The following VWA8 variants were observed in gnomAD, a reference collection of about 807,000 sequenced individuals.
VWA8 encodes the protein von Willebrand factor A domain-containing protein 8.
Under a neutral mutation model 241.5 loss-of-function variants are expected in VWA8, and 221 were observed. That is an observed-to-expected ratio of 0.91 (90% CI 0.82 to 1.02). The LOEUF (loss-of-function observed/expected upper bound fraction) is 1.02. Ranked by LOEUF, VWA8 falls within the 50% of genes least tolerant of loss-of-function variation. The pLI is 0.00. For missense variants in VWA8, 2,322 were observed against 2,328.7 expected, an observed-to-expected ratio of 1.00 and a Z score of 0.06; for synonymous variants, 852 against 827.1, an observed-to-expected ratio of 1.03 and a Z score of -0.52.
chr13:41,707,718 T>C lies in VWA8; in HGVS notation c.3117-4307A>G, dbSNP rs778090696. On this transcript the variant is annotated intron_variant, in intron 26 of 44. Coordinates refer to ENST00000379310, the MANE Select transcript of VWA8 (RefSeq NM_015058.2). ...TTTCAGTCTCAGCCACCTCAAACTATTAGTTGCTATTCCTGAATATGCTAT... is the reference window on the plus strand; with the variant it reads ...TTTCAGTCTCAGCCACCTCAAACTACTAGTTGCTATTCCTGAATATGCTAT... Among the ~76,000 whole-genome samples the C allele has an allele frequency of 5.7e-4, 87 of 152,298 alleles. 1 individual carries two copies. The highest frequency in any genetic ancestry group is 9.2e-4 in the Admixed American group (14 of 15,300).
At chr13:41,626,104 G>C (rs1291929462) in intron 37 of VWA8, among the ~76,000 whole-genome samples, 5 of 105,664 alleles carry the variant, frequency 4.7e-5, no homozygotes, top group Non-Finnish European at 9.1e-5. Context: ...AGGGGGGAGG[G>C]ATAGCATTAG....
chr13:41,582,844 A>G (rs1460685763), intron 42 of VWA8, among the ~76,000 whole-genome samples: 2 of 152,110 alleles, frequency 1.3e-5, no homozygotes, highest in Non-Finnish European at 2.9e-5. Context: ...TGGAGAGAGG[A>G]GCTGGGAGCT....
At chr13:41,583,662 AC>A (rs367778614) in intron 42 of VWA8, among the ~76,000 whole-genome samples, 2,211 of 149,398 alleles carry the variant, frequency 0.015, 28 homozygotes, top group African/African-American at 0.035. Context: ...AAAAAAAAAA[AC>A]AAACAAAAAA....
intron 25 of VWA8, 21 bp from the exon 26 acceptor site, chr13:41,719,763 CTTA>C (rs938164463): frequency 1.9e-6 from 3 of 1,597,818 alleles, no homozygotes; most frequent in African/African-American, 2.7e-5. Context: ...AAAAAATTCC[CTTA>C]TTATGCATGT....
intron 9 of VWA8, among the ~76,000 whole-genome samples, chr13:41,877,912 T>A (rs752498504): frequency 2.0e-4 from 31 of 152,148 alleles, no homozygotes; most frequent in Non-Finnish European, 4.1e-4. Context: ...GAACATCACA[T>A]GATGAGCACC....
intron 42 of VWA8, among the ~76,000 whole-genome samples, chr13:41,583,217 A>C (rs944698550): frequency 6.6e-6 from 1 of 152,174 alleles, no homozygotes; most frequent in African/African-American, 2.4e-5. Context: ...TCTCAGACAC[A>C]TTGCCAGGGG....
intron 2 of VWA8, among the ~76,000 whole-genome samples, chr13:41,947,820 A>T (rs927142368): frequency 6.6e-6 from 1 of 151,264 alleles, no homozygotes; most frequent in Non-Finnish European, 1.5e-5. Context: ...CTATAGTCCC[A>T]GCTGCTGGAG....
chr13:41,784,815 C>T (rs887246416), intron 18 of VWA8, among the ~76,000 whole-genome samples: 8 of 144,608 alleles, frequency 5.5e-5, no homozygotes, highest in African/African-American at 1.5e-4. Flanking sequence ...TTACTATTTT[C>T]GAGGTTGGTC....
chr13:41,828,725 A>G (rs1252020914), intron 14 of VWA8, among the ~76,000 whole-genome samples: 1 of 152,168 alleles, frequency 6.6e-6, no homozygotes, highest in Admixed American at 6.5e-5. Flanking sequence ...TTATCCCTTA[A>G]GTATCTCAAC....
intron 12 of VWA8, chr13:41,865,231 T>C: frequency 3.3e-6 from 1 of 306,262 alleles, no homozygotes; most frequent in Non-Finnish European, 6.4e-6. Flanking sequence ...CATGTGATAT[T>C]TTGATACATT....
chr13:41,719,874 G>C (rs1460767621), intron 25 of VWA8, 132 bp from the exon 26 acceptor site: 2 of 824,548 alleles, frequency 2.4e-6, no homozygotes, highest in Non-Finnish European at 3.6e-6. Context: ...CAAATAAGCA[G>C]GTAGTAGGAA....
chr13:41,939,016 G>A (rs1877476460), intron 2 of VWA8, among the ~76,000 whole-genome samples: 1 of 152,106 alleles, frequency 6.6e-6, no homozygotes, highest in African/African-American at 2.4e-5. Flanking sequence ...TGGATTTTAT[G>A]TCAAAACTCA....
At chr13:41,875,872 C>A (rs1873874005) in intron 9 of VWA8, among the ~76,000 whole-genome samples, 2 of 152,022 alleles carry the variant, frequency 1.3e-5, no homozygotes, top group Admixed American at 1.3e-4. Flanking sequence ...GCAACTGCCT[C>A]TTTGACATTT....
At chr13:41,797,546 T>C (rs1477858711) in intron 17 of VWA8, among the ~76,000 whole-genome samples, 3 of 152,208 alleles carry the variant, frequency 2.0e-5, no homozygotes, top group African/African-American at 7.2e-5. Flanking sequence ...TTTTGAAAAC[T>C]CTCATTATAA....
chr13:41,871,719 G>A (rs113957648), intron 9 of VWA8, among the ~76,000 whole-genome samples: 110 of 152,148 alleles, frequency 7.2e-4, no homozygotes, highest in Middle Eastern at 3.4e-3. Flanking sequence ...TGGACATTTG[G>A]GTTGGTTCCA....
In VWA8 at chr13:41,575,839, C is replaced by CTA. The variant is rs865896975; in HGVS notation, c.5272-3_5272-2dup. ...CTCCAGAGTGTCCAACGATGTCATA[C>CTA]TACATGCAAGAGAACCAGAAAGTTA... On this transcript the variant is annotated splice_acceptor_variant, in intron 42 of 44. Transcript: ENST00000379310. LOFTEE classifies it high-confidence loss of function. 3.1e-6 allele frequency: 5 copies of CTA among 1,606,246 alleles called. No homozygotes were observed. In the African/African-American group the frequency reaches 6.7e-5, roughly 22 times the overall value.
intron 37 of VWA8, among the ~76,000 whole-genome samples, chr13:41,669,821 T>A (rs1187011525): frequency 1.3e-5 from 2 of 152,212 alleles, no homozygotes; most frequent in African/African-American, 4.8e-5. Context: ...TTCTAAATAT[T>A]GTTATGAGTA....
chr13:41,951,377 A>T (rs1250508425), intron 1 of VWA8, among the ~76,000 whole-genome samples: 1 of 152,240 alleles, frequency 6.6e-6, no homozygotes, highest in Non-Finnish European at 1.5e-5. Context: ...AGATTACGCC[A>T]CTGCACTCCA....
At chr13:41,890,177 A>G (rs1874762116) in intron 5 of VWA8, among the ~76,000 whole-genome samples, 2 of 152,254 alleles carry the variant, frequency 1.3e-5, no homozygotes, top group South Asian at 4.1e-4. Flanking sequence ...GCCATGCAGC[A>G]TCAGTTCAAT....
Sources: allele counts gnomAD v4.1 joint callset (sites outside exome capture counted in the v4.1 genomes callset), GRCh38; gene constraint gnomAD v4.1.1; transcripts MANE v1.5; gene names NCBI Gene and HGNC (gene_info 2026-07-23, HGNC 2026-07-21).